The following EPHA6 variants were observed in gnomAD, a reference collection of about 807,000 sequenced individuals.
The protein encoded by EPHA6 is ephrin type-A receptor 6.
Under a neutral mutation model 112.0 loss-of-function variants are expected in EPHA6, and 50 were observed. The ratio of observed to expected loss-of-function variants is 0.45; its 90% CI spans 0.36 to 0.56. EPHA6 has a LOEUF of 0.56. EPHA6 is among the 20% of genes least tolerant of loss of function. The probability of loss-of-function intolerance (pLI) is 0.00; values close to 1 mark genes in which losing one functional copy is unlikely to be tolerated. For synonymous variants in EPHA6, 529 were observed against 490.7 expected, an observed-to-expected ratio of 1.08 and a Z score of -1.03; for missense variants, 1,280 against 1,417.4, an observed-to-expected ratio of 0.90 and a Z score of 1.56.
rs77200642 is a variant in EPHA6, at chr3:97,151,383, T to C, written c.1115-74881T>C. Among the ~76,000 whole-genome samples, 745 of 152,260 alleles carry C rather than the reference T, an allele frequency of 4.9e-3. 6 individuals carry two copies. Among genetic ancestry groups the C allele is most frequent in the African/African-American group, 0.016 (659 of 41,576 alleles). ...TGGCAATTTGAGGAAATATAAAATG[T>C]TTTGCATAATTTTTGTGTTTTACAG... On this transcript the variant is annotated intron_variant, in intron 3 of 17. Transcript: ENST00000389672.
chr3:96,987,813 C>T lies in EPHA6; in HGVS notation c.934C>T (p.Pro312Ser). The T allele has an allele frequency of 6.2e-7, 1 of 1,613,968 alleles. No homozygotes were observed. The highest frequency in any genetic ancestry group is 8.5e-7 in the Non-Finnish European group (1 of 1,179,894). ...PFTVRNLAMF[P>S]DTIPRVDSSS... ...CACTGTTCGTAACTTGGCCATGTTT[C>T]CTGATACCATTCCAAGGGTTGATTC... The change falls in exon 3 of 18, where the codon CCT becomes TCT. Residue 312 changes from proline to serine, a missense_variant. Coordinates refer to ENST00000389672, the MANE Select transcript of EPHA6 (RefSeq NM_001080448.3).
At position 97,520,433 on chromosome 3, in the gene EPHA6, G is replaced by A. The variant is rs1013058283; in HGVS notation, c.2201-11925G>A. ...TAATTCCCTCTGCTTTTCTTTCTCT[G>A]AGAAAACAATGTATTTCACCTTCAT... is the stretch of plus-strand genomic sequence containing the variant. On this transcript the variant is annotated intron_variant, in intron 10 of 17. Transcript: ENST00000389672. Among the ~76,000 whole-genome samples, 3 of 152,034 alleles carry A rather than the reference G, an allele frequency of 2.0e-5. No homozygotes were observed. In the East Asian group the frequency reaches 5.8e-4, roughly 29 times the overall value.
intron 6 of EPHA6, among the ~76,000 whole-genome samples, chr3:97,406,094 A>C (rs1211614237): frequency 6.6e-6 from 1 of 152,186 alleles, no homozygotes; most frequent in African/African-American, 2.4e-5. Flanking sequence ...CCAGTGGTAT[A>C]TTACAATGAG....
At chr3:97,353,587 G>C (rs1342658974) in intron 5 of EPHA6, among the ~76,000 whole-genome samples, 1 of 152,088 alleles carries the variant, frequency 6.6e-6, no homozygotes, top group African/African-American at 2.4e-5. Flanking sequence ...TGGGGCTTGG[G>C]TGCCAATGTA....
chr3:97,328,052 C>CATATATAAATATATATATAT (rs1490094035), intron 5 of EPHA6, among the ~76,000 whole-genome samples: 8 of 56,992 alleles, frequency 1.4e-4, no homozygotes, highest in African/African-American at 6.9e-4. Flanking sequence ...CACATATATA[C>CATATATAAATATATATATAT]ACATATATAT....
chr3:97,038,449 A>G (rs969630593), intron 3 of EPHA6, among the ~76,000 whole-genome samples: 2 of 151,982 alleles, frequency 1.3e-5, no homozygotes, highest in African/African-American at 4.8e-5. Flanking sequence ...TACCATAGTG[A>G]CCTACAGTTC....
chr3:97,747,038 G>A (rs185838142), intron 16 of EPHA6, among the ~76,000 whole-genome samples: 1 of 151,886 alleles, frequency 6.6e-6, no homozygotes, highest in East Asian at 1.9e-4. Context: ...CTCTCCTTGT[G>A]GGGATAAGGG....
At chr3:97,345,175 T>G (rs554170558) in intron 5 of EPHA6, among the ~76,000 whole-genome samples, 2 of 152,258 alleles carry the variant, frequency 1.3e-5, no homozygotes, top group African/African-American at 4.8e-5. Context: ...GTGAAGCAAG[T>G]AAAGGTATCT....
At chr3:97,473,718 A>T (rs2091293341) in intron 7 of EPHA6, among the ~76,000 whole-genome samples, 1 of 151,884 alleles carries the variant, frequency 6.6e-6, no homozygotes, top group African/African-American at 2.4e-5. Flanking sequence ...CAGTGAGAAA[A>T]TATGACATTT....
intron 9 of EPHA6, chr3:97,481,073 T>A: frequency 2.2e-6 from 1 of 455,554 alleles, no homozygotes; most frequent in Non-Finnish European, 4.2e-6. Context: ...CCAGACGGGG[T>A]GGCAGCGGGG....
chr3:96,882,558 A>G (rs145468851), intron 2 of EPHA6, among the ~76,000 whole-genome samples: 1 of 152,106 alleles, frequency 6.6e-6, no homozygotes, highest in East Asian at 1.9e-4. Context: ...TGTCATTCTT[A>G]TGCCTTTGTG....
chr3:97,547,849 C>T (rs938310142), intron 11 of EPHA6, among the ~76,000 whole-genome samples: 42 of 152,308 alleles, frequency 2.8e-4, no homozygotes, highest in East Asian at 5.8e-4. Context: ...ACTCTGTGGG[C>T]GTAGGACCCT....
chr3:96,956,955 C>T (rs941793507), intron 2 of EPHA6, among the ~76,000 whole-genome samples: 3 of 151,492 alleles, frequency 2.0e-5, no homozygotes, highest in Non-Finnish European at 4.4e-5. Flanking sequence ...ATCGCTTGAA[C>T]CCAGGAGGCA....
intron 3 of EPHA6, among the ~76,000 whole-genome samples, chr3:97,137,517 A>G (rs2075795831): frequency 1.3e-5 from 2 of 152,196 alleles, no homozygotes; most frequent in South Asian, 4.1e-4. Flanking sequence ...TAAGTGAGGT[A>G]GTACATGCTA....
At chr3:96,958,322 C>G (rs1433181716) in intron 2 of EPHA6, among the ~76,000 whole-genome samples, 1 of 151,640 alleles carries the variant, frequency 6.6e-6, no homozygotes, top group Non-Finnish European at 1.5e-5. Context: ...ACTTGACTTT[C>G]AGTTCTGCCA....
intron 5 of EPHA6, among the ~76,000 whole-genome samples, chr3:97,352,412 T>C (rs1169873928): frequency 6.6e-6 from 1 of 152,146 alleles, no homozygotes; most frequent in Non-Finnish European, 1.5e-5. Flanking sequence ...GGAAAGACAG[T>C]CTTGAATTGC....
At chr3:97,017,760 G>A (rs1258085001) in intron 3 of EPHA6, among the ~76,000 whole-genome samples, 1 of 152,080 alleles carries the variant, frequency 6.6e-6, no homozygotes, top group South Asian at 2.1e-4. Flanking sequence ...AATGCCTTTA[G>A]GTGGTTGTCT....
At chr3:97,293,169 C>T (rs1308267716) in intron 5 of EPHA6, among the ~76,000 whole-genome samples, 3 of 152,094 alleles carry the variant, frequency 2.0e-5, no homozygotes, top group Non-Finnish European at 4.4e-5. Context: ...TCCCAGCAAG[C>T]GTCCAGCTCT....
intron 3 of EPHA6, among the ~76,000 whole-genome samples, chr3:97,120,623 T>C (rs1486602225): frequency 6.6e-6 from 1 of 152,018 alleles, no homozygotes; most frequent in Non-Finnish European, 1.5e-5. Context: ...CATGTATATG[T>C]TTTTAAAAAT....
Sources: gnomAD v4.1 joint callset for allele counts (sites outside exome capture counted in the v4.1 genomes callset) on GRCh38, gnomAD v4.1.1 for gene constraint, MANE v1.5 for transcripts, NCBI Gene and HGNC (gene_info 2026-07-23, HGNC 2026-07-21) for gene names.